LRP8: variants seen among roughly 807,000 people sequenced by gnomAD.
LRP8 encodes the protein LDL receptor related protein 8, also known as low-density lipoprotein receptor-related protein 8.
LRP8 carries 46 observed loss-of-function variants against 111.6 expected under a neutral mutation model. The ratio of observed to expected loss-of-function variants is 0.41; its 90% CI spans 0.33 to 0.53. The LOEUF (loss-of-function observed/expected upper bound fraction) is 0.53, where lower values mean the gene tolerates loss of function less well. LRP8 is among the 20% of genes least tolerant of loss of function. The pLI, the probability that LRP8 is intolerant of heterozygous loss-of-function variation, is 0.20. For missense variants in LRP8, 959 were observed against 1,297.4 expected (o/e 0.74, Z 4.01); for synonymous variants, 464 against 511.2 (o/e 0.91, Z 1.24).
In LRP8 at chr1:53,249,607, C is replaced by T. The variant is rs1259367534; in HGVS notation, c.2677-51G>A. ...GACCTCTGAGGTCACACTCAGCCCC[C>T]TGACTGTGCTGTATAACAGTGACAC... On this transcript the variant is annotated intron_variant, in intron 17 of 18. Coordinates refer to ENST00000306052, the MANE Select transcript of LRP8 (RefSeq NM_004631.5). This position sits in a 1 kb window ranked among gnomAD's most constrained non-coding sequence, Gnocchi z 4.1. The T allele has an allele frequency of 3.3e-6, 5 of 1,517,370 alleles. No homozygotes were observed. The highest frequency in any genetic ancestry group is 4.3e-5 in the Admixed American group (2 of 46,544). The allele number at this position is 1,517,370 out of a possible 1,614,324, so 94.0% of individuals were successfully genotyped here.
chr1:53,289,156 C>T (rs558386972), intron 3 of LRP8, among the ~76,000 whole-genome samples: 1 of 152,296 alleles, frequency 6.6e-6, no homozygotes, highest in East Asian at 1.9e-4. Flanking sequence ...CATGAGGCTG[C>T]TGTGGTTATC....
intron 16 of LRP8, among the ~76,000 whole-genome samples, chr1:53,252,823 A>C (rs1226626547): frequency 6.6e-6 from 1 of 152,264 alleles, no homozygotes; most frequent in African/African-American, 2.4e-5. Context: ...TGATAAGATT[A>C]TTCTGAAGTT....
chr1:53,288,406 A>AGTT (rs1647971563), intron 3 of LRP8: 1 of 152,136 alleles, frequency 6.6e-6, no homozygotes, highest in Non-Finnish European at 1.5e-5. Context: ...AGCCTTCAGG[A>AGTT]CGGCATGGAG....
chr1:53,272,543 G>T, intron 6 of LRP8: 1 of 1,280,722 alleles, frequency 7.8e-7, no homozygotes, highest in Non-Finnish European at 1.0e-6. Context: ...CCCAGGCCAT[G>T]CACAGCTATG....
chr1:53,270,085 G>C (rs1158203889), intron 8 of LRP8, among the ~76,000 whole-genome samples: 1 of 152,158 alleles, frequency 6.6e-6, no homozygotes, highest in East Asian at 1.9e-4. Flanking sequence ...GTCTGTGTGG[G>C]TGTTAGTGTG....
intron 1 of LRP8, 83 bp downstream of exon 1, chr1:53,327,705 AC>A (rs1206673762): frequency 7.4e-7 from 1 of 1,343,486 alleles, no homozygotes; most frequent in African/African-American, 1.5e-5. Flanking sequence ...CGGGTTCTGG[AC>A]CCCTCCCCGC....
At chr1:53,316,180 G>C (rs1653769029) in intron 2 of LRP8, among the ~76,000 whole-genome samples, 1 of 152,156 alleles carries the variant, frequency 6.6e-6, no homozygotes, top group Admixed American at 6.5e-5. Flanking sequence ...TCCATTCAAG[G>C]GACTTGCCCC....
rs1646854613 is a variant in LRP8, at chr1:53,274,470, A to C, written c.1006+1161T>G. Among the ~76,000 whole-genome samples the C allele has an allele frequency of 2.0e-5, 3 of 152,232 alleles. No homozygotes were observed. The South Asian group carries it at 6.2e-4, about 32-fold the overall frequency. Reference sequence around the variant, plus strand: ...AGGCCAAGTTTGTGAGAGAAAACATAATTTTTTAGTACCTGGGATGGACAA... The same window carrying C: ...AGGCCAAGTTTGTGAGAGAAAACATCATTTTTTAGTACCTGGGATGGACAA... On this transcript the variant is annotated intron_variant, in intron 6 of 18. Transcript: ENST00000306052.
At position 53,245,873 on chromosome 1, in the gene LRP8, G is replaced by C. The variant is rs1645714571; in HGVS notation, c.*1145C>G. 1 of 152,652 alleles carries C rather than the reference G, an allele frequency of 6.6e-6. No homozygotes were observed. The highest frequency in any genetic ancestry group is 1.5e-5 in the Non-Finnish European group (1 of 68,046). 9.5% of individuals were successfully genotyped at this position (152,652 alleles called of 1,614,324 possible). ...TCCTAGACATTCAGTGCCTGGGCCA[G>C]TCTCTATAGTAAACTTGGGCTGATC... is the stretch of plus-strand genomic sequence containing the variant. On this transcript the variant is annotated 3_prime_UTR_variant, in exon 19 of 19. Transcript: ENST00000306052.
At chr1:53,264,145 G>A in intron 10 of LRP8, 24 bp downstream of exon 10, 1 of 1,607,182 alleles carries the variant, frequency 6.2e-7, no homozygotes, top group Non-Finnish European at 8.5e-7. Flanking sequence ...GTGGGAGAAT[G>A]GGAAGTTCAG....
chr1:53,280,481 C>T, intron 4 of LRP8, 106 bp downstream of exon 4: 1 of 1,452,578 alleles, frequency 6.9e-7, no homozygotes, highest in Non-Finnish European at 9.3e-7. Context: ...TCCTCTCCAC[C>T]ACCAAGCCCC....
rs140105009 is a variant in LRP8 at position 53,264,396 on chromosome 1, G to A, written c.1428C>T (p.Ser476=). The A allele has an allele frequency of 1.2e-5, 20 of 1,611,936 alleles. No homozygotes were observed. Among genetic ancestry groups the A allele is most frequent in the African/African-American group, 6.7e-5 (5 of 75,008 alleles). The part of the protein sequence containing the change: ...WCDLSYRKIY[S]AYMDKASDPK... ...GGTCACTGGCCTTGTCCATGTAGGC[G>A]CTTAAGAGAAAACAGAGATGACCAT... is the stretch of plus-strand genomic sequence containing the variant. The change falls in exon 10 of 19, where the codon AGC becomes AGT. Residue 476 remains serine, a splice_region_variant and synonymous_variant. Transcript: ENST00000306052.
intron 4 of LRP8, 126 bp downstream of exon 4, chr1:53,280,461 C>T (rs1460288822): frequency 1.1e-5 from 13 of 1,234,476 alleles, no homozygotes; most frequent in Admixed American, 9.2e-5. Flanking sequence ...GTGTCCTGAT[C>T]GTTATCCTTT....
chr1:53,320,447 AT>A lies in LRP8; in HGVS notation c.244+6425del, dbSNP rs1342350029. Among the ~76,000 whole-genome samples the A allele has an allele frequency of 3.3e-5, 5 of 152,266 alleles. No homozygotes were observed. In the East Asian group the frequency reaches 9.7e-4, roughly 29 times the overall value. The stretch of plus-strand genomic sequence containing the variant: ...TACTGACGATGGAGCCAATTCGACC[AT>A]CAGGGCCTTAGTTTCACCTTTCTAA... On this transcript the variant is annotated intron_variant, in intron 2 of 18. Transcript: ENST00000306052.
Position 53,262,584 on chromosome 1 carries a change from A to G in LRP8, c.1656-20T>C. ...ATGAACCTAAAAGACAAAATAACCCAATTTGCCTTCTTGCTGGGGACATGA... is the reference window on the plus strand; with the variant it reads ...ATGAACCTAAAAGACAAAATAACCCGATTTGCCTTCTTGCTGGGGACATGA... On this transcript the variant is annotated intron_variant, in intron 10 of 18. Transcript: ENST00000306052. This position sits in a 1 kb window ranked among gnomAD's most constrained non-coding sequence, Gnocchi z 4.8. The G allele has an allele frequency of 6.2e-7, 1 of 1,601,958 alleles. No individual in the cohort carries two copies. Among genetic ancestry groups the G allele is most frequent in the Non-Finnish European group, 8.6e-7 (1 of 1,169,180 alleles).
rs35419399 is a variant in LRP8, at chr1:53,302,697, C to CT, written c.245-13009dup. On this transcript the variant is annotated intron_variant, in intron 2 of 18. Coordinates refer to ENST00000306052, the MANE Select transcript of LRP8 (RefSeq NM_004631.5). The stretch of plus-strand genomic sequence containing the variant: ...CATATGACCTTGGGCCAATCAATGC[C>CT]TTTTTTTTTTTTTTGGAGACAGGGT... Among the ~76,000 whole-genome samples, 1,042 of 141,736 alleles carry CT rather than the reference C, an allele frequency of 7.4e-3. 9 individuals are homozygous for CT. Among genetic ancestry groups the CT allele is most frequent in the African/African-American group, 0.019 (729 of 38,142 alleles). The allele number at this position is 141,736 out of a possible 152,430, so 93.0% of individuals were successfully genotyped here.
At chr1:53,282,024 C>A (rs1572532703) in intron 3 of LRP8, among the ~76,000 whole-genome samples, 1 of 152,334 alleles carries the variant, frequency 6.6e-6, no homozygotes, top group East Asian at 1.9e-4. Context: ...CAATCCATTT[C>A]TCCCCGGAGG....
chr1:53,280,502 G>C, intron 4 of LRP8, 85 bp downstream of exon 4: 1 of 1,545,870 alleles, frequency 6.5e-7, no homozygotes, highest in South Asian at 1.2e-5. Context: ...ACGGGGAACT[G>C]GGCCCCCTCC....
intron 15 of LRP8, among the ~76,000 whole-genome samples, chr1:53,256,859 C>T (rs1051083339): frequency 6.6e-6 from 1 of 152,212 alleles, no homozygotes; most frequent in Admixed American, 6.5e-5. Flanking sequence ...CACATCAGAA[C>T]TTTGTGAAAC....
Sources: allele counts gnomAD v4.1 joint callset (sites outside exome capture counted in the v4.1 genomes callset), GRCh38; gene constraint gnomAD v4.1.1; non-coding constraint Gnocchi (gnomAD v3.1); transcripts MANE v1.5; gene names NCBI Gene and HGNC (gene_info 2026-07-23, HGNC 2026-07-21).